Variants in SPOPL observed in about 807,000 individuals in gnomAD.
SPOPL encodes speckle-type POZ protein-like.
In SPOPL, 23 loss-of-function variants were observed where a neutral mutation model predicts 53.8. That is an observed-to-expected ratio of 0.43 (90% CI 0.31 to 0.61). The LOEUF (loss-of-function observed/expected upper bound fraction) is 0.61, where lower values mean the gene tolerates loss of function less well. Ranked by LOEUF, SPOPL falls within the 20% of genes least tolerant of loss-of-function variation. SPOPL has a pLI of 0.12. For missense variants in SPOPL, 442 were observed against 466.9 expected, an observed-to-expected ratio of 0.95 and a Z score of 0.49; for synonymous variants, 164 against 149.7, an observed-to-expected ratio of 1.10 and a Z score of -0.70.
intron 1 of SPOPL, among the ~76,000 whole-genome samples, chr2:138,545,614 A>AT (rs1338635135): frequency 0.012 from 1,765 of 148,468 alleles, 40 homozygotes; most frequent in African/African-American, 0.041. Flanking sequence ...TTTTTTTTGT[A>AT]TTTTTTAGCA....
intron 1 of SPOPL, among the ~76,000 whole-genome samples, chr2:138,512,952 G>A (rs931747291): frequency 3.3e-5 from 5 of 152,174 alleles, no homozygotes; most frequent in South Asian, 2.1e-4. Context: ...TTTAATCCTC[G>A]TAACTACACT....
chr2:138,525,863 A>G (rs1428112536), intron 1 of SPOPL, among the ~76,000 whole-genome samples: 1 of 151,308 alleles, frequency 6.6e-6, no homozygotes, highest in East Asian at 1.9e-4. Context: ...TTGTAATTGT[A>G]TCAATTTTTG....
At chr2:138,559,393 G>T in intron 7 of SPOPL, 56 bp downstream of exon 7, 3 of 1,507,040 alleles carry the variant, frequency 2.0e-6, no homozygotes, top group Admixed American at 2.2e-5. Flanking sequence ...GTAGTTGGGT[G>T]TATGTTTTAA....
chr2:138,566,110 G>A (rs1233026857), intron 10 of SPOPL, among the ~76,000 whole-genome samples: 1 of 151,894 alleles, frequency 6.6e-6, no homozygotes, highest in Admixed American at 6.6e-5. Context: ...TTTGATATAT[G>A]TTAAGTTGTT....
intron 1 of SPOPL, among the ~76,000 whole-genome samples, chr2:138,539,338 A>G (rs894415312): frequency 1.1e-4 from 16 of 152,280 alleles, no homozygotes; most frequent in African/African-American, 3.9e-4. Context: ...GACTTCCACA[A>G]TGGTTGAACT....
rs757480150 is a variant in SPOPL, at chr2:138,564,924, T to C, written c.981-16T>C. 2.5e-6 allele frequency: 4 copies of C among 1,614,080 alleles called. No homozygotes were observed. The highest frequency in any genetic ancestry group is 2.5e-6 in the Non-Finnish European group (3 of 1,179,954). ...CTCTGGACTTTTTTTTAAGTATGTTTAAATCTTCAATGCAGGTGCAGTGTA... is the reference window on the plus strand; with the variant it reads ...CTCTGGACTTTTTTTTAAGTATGTTCAAATCTTCAATGCAGGTGCAGTGTA... On this transcript the variant is annotated splice_polypyrimidine_tract_variant and intron_variant, in intron 9 of 10. Transcript: ENST00000280098.
intron 1 of SPOPL, among the ~76,000 whole-genome samples, chr2:138,518,671 C>T (rs1410550047): frequency 6.6e-6 from 1 of 152,174 alleles, no homozygotes; most frequent in South Asian, 2.1e-4. Flanking sequence ...ACATGTTAGA[C>T]ATCAATCTGT....
At chr2:138,538,113 G>A (rs1382728053) in intron 1 of SPOPL, among the ~76,000 whole-genome samples, 1 of 152,152 alleles carries the variant, frequency 6.6e-6, no homozygotes, top group Admixed American at 6.5e-5. Flanking sequence ...AATTCGTCGA[G>A]ACTTGTTTTG....
At chr2:138,526,959 C>T (rs1684689746) in intron 1 of SPOPL, among the ~76,000 whole-genome samples, 1 of 152,134 alleles carries the variant, frequency 6.6e-6, no homozygotes, top group Non-Finnish European at 1.5e-5. Context: ...CACCTGACCT[C>T]AAGTGATCCA....
At position 138,525,835 on chromosome 2, in the gene SPOPL, C is replaced by CAA. The variant is rs758644476; in HGVS notation, c.-61+23731_-61+23732dup. Among the ~76,000 whole-genome samples the CAA allele has an allele frequency of 4.7e-3, 492 of 105,558 alleles. 2 individuals are homozygous for CAA. The highest frequency in any genetic ancestry group is 0.016 in the African/African-American group (455 of 28,932). 69.3% of individuals were successfully genotyped at this position (105,558 alleles called of 152,430 possible). A position where few individuals can be genotyped will look rare whatever the true frequency, so the allele number is the denominator to read the frequency against. ...TCTGAGTTAGAATGAGAACCTGTCT[C>CAA]AAAAAAAAAAAAAAAAGTTGTAATT... On this transcript the variant is annotated intron_variant, in intron 1 of 10. Transcript: ENST00000280098.
intron 5 of SPOPL, among the ~76,000 whole-genome samples, chr2:138,553,656 A>C (rs1685360639): frequency 6.6e-6 from 1 of 152,116 alleles, no homozygotes; most frequent in South Asian, 2.1e-4. Context: ...TTATGTCAGA[A>C]GAATAATTGA....
rs1313860492 is a variant in SPOPL, at chr2:138,550,795, T to G, written c.201-108T>G. 27 of 1,430,884 alleles carry G rather than the reference T, an allele frequency of 1.9e-5. No homozygotes were observed. The East Asian group carries it at 6.2e-4, about 33-fold the overall frequency. The allele number at this position is 1,430,884 out of a possible 1,614,324, so 88.6% of individuals were successfully genotyped here. ...TTGACAGGAGTGCTGTTTGTGACAT[T>G]AACACATGATTTCAGTGTTCTCTCT... On this transcript the variant is annotated intron_variant, in intron 3 of 10. Coordinates refer to ENST00000280098, the MANE Select transcript of SPOPL (RefSeq NM_001001664.3).
intron 7 of SPOPL, among the ~76,000 whole-genome samples, chr2:138,560,086 G>A (rs1425236610): frequency 6.6e-6 from 1 of 152,156 alleles, no homozygotes; most frequent in Admixed American, 6.5e-5. Context: ...CTGTCATTTA[G>A]TTAGATATTT....
At chr2:138,545,885 T>A (rs745654055) in intron 1 of SPOPL, among the ~76,000 whole-genome samples, 12 of 152,344 alleles carry the variant, frequency 7.9e-5, no homozygotes, top group Non-Finnish European at 1.2e-4. Flanking sequence ...TTTTTACATA[T>A]CTACGAATTT....
In SPOPL at chr2:138,573,003, A is replaced by T. The variant is rs1376189490; in HGVS notation, c.*3923A>T. ...AAAAAATGAAGATGTAACTTACCTGAGTCTCATTTTTGAAAATGAAATTCT... is the reference window on the plus strand; with the variant it reads ...AAAAAATGAAGATGTAACTTACCTGTGTCTCATTTTTGAAAATGAAATTCT... On this transcript the variant is annotated 3_prime_UTR_variant, in exon 11 of 11. Coordinates refer to ENST00000280098, the MANE Select transcript of SPOPL (RefSeq NM_001001664.3). 6.6e-6 allele frequency: 1 copy of T among 152,274 alleles called. No individual in the cohort carries two copies. The highest frequency in any genetic ancestry group is 1.5e-5 in the Non-Finnish European group (1 of 68,012). The allele number at this position is 152,274 out of a possible 1,614,324, so 9.4% of individuals were successfully genotyped here.
intron 1 of SPOPL, among the ~76,000 whole-genome samples, chr2:138,505,597 A>G (rs931766858): frequency 1.3e-4 from 10 of 78,768 alleles, no homozygotes; most frequent in Non-Finnish European, 2.9e-4. Context: ...TCTCTTCTAA[A>G]AAAAAAAAAA....
chr2:138,540,004 T>C (rs919624161), intron 1 of SPOPL, among the ~76,000 whole-genome samples: 3 of 152,240 alleles, frequency 2.0e-5, no homozygotes, highest in East Asian at 1.9e-4. Flanking sequence ...AAATAGGGAA[T>C]CCTGTCCCCA....
chr2:138,558,343 A>G (rs79161536), intron 5 of SPOPL, among the ~76,000 whole-genome samples: 1 of 152,292 alleles, frequency 6.6e-6, no homozygotes, highest in African/African-American at 2.4e-5. Context: ...TTAAGTAAAT[A>G]AAAGTCTGCA....
At chr2:138,504,735 T>G (rs889754533) in intron 1 of SPOPL, among the ~76,000 whole-genome samples, 1 of 152,172 alleles carries the variant, frequency 6.6e-6, no homozygotes, top group Non-Finnish European at 1.5e-5. Flanking sequence ...TACGTACCGT[T>G]CTTGAGAGAA....
Sources: allele counts gnomAD v4.1 joint callset (sites outside exome capture counted in the v4.1 genomes callset), GRCh38; gene constraint gnomAD v4.1.1; transcripts MANE v1.5; gene names NCBI Gene and HGNC (gene_info 2026-07-23, HGNC 2026-07-21).